Variants in SLC25A48 observed in about 807,000 individuals in gnomAD.
SLC25A48 encodes the protein CTC-321K16.1.
Under a neutral mutation model 32.2 loss-of-function variants are expected in SLC25A48, and 29 were observed. The observed-to-expected ratio is 0.90, with a 90% CI of 0.67 to 1.23. The LOEUF is 1.23. Ranked by LOEUF, SLC25A48 falls within the 50% of genes most tolerant of loss-of-function variation. The pLI is 0.00. For missense variants in SLC25A48, 399 were observed against 422.7 expected (o/e 0.94, Z 0.49); for synonymous variants, 164 against 172.3 (o/e 0.95, Z 0.38).
At chr5:135,883,357 A>C in intron 7 of SLC25A48, 1 of 985,496 alleles carries the variant, frequency 1.0e-6, no homozygotes, top group Non-Finnish European at 1.2e-6. Flanking sequence ...GGAGTAAAAT[A>C]GACCCTCCCC....
intron 3 of SLC25A48, among the ~76,000 whole-genome samples, chr5:135,736,237 T>A (rs1755357522): frequency 6.6e-6 from 1 of 152,172 alleles, no homozygotes; most frequent in Non-Finnish European, 1.5e-5. Context: ...GAAAAATGCC[T>A]GGATGTAAGG....
At chr5:135,743,872 T>C (rs914041475) in intron 3 of SLC25A48, among the ~76,000 whole-genome samples, 19 of 152,208 alleles carry the variant, frequency 1.2e-4, no homozygotes, top group African/African-American at 4.1e-4. Flanking sequence ...AACAAGGACA[T>C]GTTAACTGTA....
At chr5:135,657,797 G>A (rs801551) in intron 3 of SLC25A48, among the ~76,000 whole-genome samples, 41,906 of 152,054 alleles carry the variant, frequency 0.28, 6,313 homozygotes, top group East Asian at 0.62. Flanking sequence ...GCATTAGCCC[G>A]ATGAACTGAC....
chr5:135,706,190 C>G (rs1754503601), intron 3 of SLC25A48, among the ~76,000 whole-genome samples: 1 of 152,194 alleles, frequency 6.6e-6, no homozygotes, highest in Admixed American at 6.5e-5. Context: ...CAGGGCCTGA[C>G]TGGGCTGGGC....
chr5:135,748,736 T>C (rs998439284), intron 3 of SLC25A48, among the ~76,000 whole-genome samples: 1 of 151,240 alleles, frequency 6.6e-6, no homozygotes, highest in African/African-American at 2.4e-5. Flanking sequence ...TTTTTTTTTT[T>C]TTTTGAGATG....
chr5:135,650,529 C>CAAAAA, intron 3 of SLC25A48: 1 of 414,146 alleles, frequency 2.4e-6, no homozygotes, highest in Admixed American at 3.0e-5. Flanking sequence ...TGACCCTGAA[C>CAAAAA]AAAAAGTGCA....
intron 3 of SLC25A48, among the ~76,000 whole-genome samples, chr5:135,715,633 G>A (rs2126978212): frequency 6.6e-6 from 1 of 152,378 alleles, no homozygotes. Context: ...TGAATGGGAT[G>A]TTTGGGCACT....
intron 3 of SLC25A48, among the ~76,000 whole-genome samples, chr5:135,704,603 CTG>C (rs1421243710): frequency 1.3e-5 from 2 of 152,162 alleles, no homozygotes; most frequent in African/African-American, 4.8e-5. Flanking sequence ...TTAATATTTA[CTG>C]TGTTCCAGGA....
chr5:135,595,991 G>A (rs1751641665), intron 1 of SLC25A48, among the ~76,000 whole-genome samples: 1 of 152,160 alleles, frequency 6.6e-6, no homozygotes, highest in Non-Finnish European at 1.5e-5. Flanking sequence ...GGTGCTTTCT[G>A]TTTTCTGGGC....
intron 2 of SLC25A48, among the ~76,000 whole-genome samples, chr5:135,843,653 A>G (rs1273298954): frequency 2.0e-5 from 3 of 152,236 alleles, no homozygotes; most frequent in Non-Finnish European, 1.5e-5. Context: ...TGAGACTCAG[A>G]TGACACAAAG....
intron 1 of SLC25A48, among the ~76,000 whole-genome samples, chr5:135,839,543 A>G (rs1489039473): frequency 1.3e-5 from 2 of 152,158 alleles, no homozygotes; most frequent in African/African-American, 4.8e-5. Flanking sequence ...CTCAGATGAG[A>G]CTTTGGACTG....
At position 135,769,193 on chromosome 5, in the gene SLC25A48, G is replaced by A. The variant is rs1421420309; in HGVS notation, c.-520-43330G>A. The stretch of plus-strand genomic sequence containing the variant: ...ATATTGTTCATAATATTTATGGGGG[G>A]AAAGGAAAATATTACTCCTAATATT... On this transcript the variant is annotated intron_variant, in intron 3 of 10. Coordinates refer to the SLC25A48 transcript ENST00000646290. 3.0e-5 allele frequency among the ~76,000 whole-genome samples: 4 copies of A among 131,700 alleles called. No homozygotes were observed. The East Asian group carries it at 9.7e-4, about 32-fold the overall frequency. 86.4% of individuals were successfully genotyped at this position (131,700 alleles called of 152,430 possible). A position where few individuals can be genotyped will look rare whatever the true frequency, so the allele number is the denominator to read the frequency against.
At chr5:135,690,536 A>G (rs1410179441) in intron 3 of SLC25A48, among the ~76,000 whole-genome samples, 1 of 152,192 alleles carries the variant, frequency 6.6e-6, no homozygotes, top group Non-Finnish European at 1.5e-5. Flanking sequence ...TGTGTTTTGC[A>G]GGGTTTAGCT....
chr5:135,628,256 C>T (rs1002299445), intron 1 of SLC25A48, among the ~76,000 whole-genome samples: 3 of 152,128 alleles, frequency 2.0e-5, no homozygotes, highest in Non-Finnish European at 4.4e-5. Context: ...CCATCTATGC[C>T]TTAGTAAAGA....
At chr5:135,705,728 C>G (rs899168085) in intron 3 of SLC25A48, among the ~76,000 whole-genome samples, 1 of 152,196 alleles carries the variant, frequency 6.6e-6, no homozygotes, top group African/African-American at 2.4e-5. Context: ...ACAAGTTACT[C>G]AGCCTCTCTG....
intron 3 of SLC25A48, among the ~76,000 whole-genome samples, chr5:135,770,638 A>G (rs540243265): frequency 6.6e-6 from 1 of 151,880 alleles, no homozygotes; most frequent in East Asian, 1.9e-4. Context: ...ATTACTTCCA[A>G]TATCCCAGAA....
chr5:135,886,633 AT>A (rs869261682), intron 7 of SLC25A48, among the ~76,000 whole-genome samples: 1,676 of 25,558 alleles, frequency 0.066, 160 homozygotes, highest in East Asian at 0.11. Context: ...ATATATATAT[AT>A]ATAAAATATA....
At chr5:135,800,190 C>CT (rs1349243428) in intron 3 of SLC25A48, among the ~76,000 whole-genome samples, 7 of 151,598 alleles carry the variant, frequency 4.6e-5, no homozygotes, top group African/African-American at 1.7e-4. Flanking sequence ...GGATAGAACT[C>CT]TATTACTATC....
chr5:135,639,987 A>C (rs1752795017), intron 3 of SLC25A48, among the ~76,000 whole-genome samples: 2 of 152,228 alleles, frequency 1.3e-5, no homozygotes, highest in South Asian at 4.1e-4. Context: ...TGTTGTAATT[A>C]GCAGACAAGG....
Sources: gnomAD v4.1 joint callset for allele counts (sites outside exome capture counted in the v4.1 genomes callset) on GRCh38, gnomAD v4.1.1 for gene constraint, MANE v1.5 for transcripts, NCBI Gene and HGNC (gene_info 2026-07-23, HGNC 2026-07-21) for gene names.